CEP128: variants seen among roughly 807,000 people sequenced by gnomAD.
The protein encoded by CEP128 is centrosomal protein 128kDa.
CEP128 carries 132 observed loss-of-function variants against 156.7 expected under a neutral mutation model. The observed-to-expected ratio is 0.84, with a 90% confidence interval of 0.73 to 0.97. The LOEUF is 0.97. Among genes scored for constraint, CEP128 ranks in the 50% least tolerant of loss-of-function variants. The probability of loss-of-function intolerance (pLI) is 0.00; values close to 1 mark genes in which losing one functional copy is unlikely to be tolerated. For missense variants in CEP128, 1,252 were observed against 1,281.9 expected (o/e 0.98, Z 0.36); for synonymous variants, 469 against 448.9 (o/e 1.04, Z -0.57).
At chr14:80,933,936 G>A (rs1381658322) in intron 2 of CEP128, among the ~76,000 whole-genome samples, 1 of 152,154 alleles carries the variant, frequency 6.6e-6, no homozygotes, top group Non-Finnish European at 1.5e-5. Flanking sequence ...TGGGAAATAA[G>A]CCTTAGATTG....
chr14:80,684,298 C>T (rs778195741), intron 19 of CEP128, among the ~76,000 whole-genome samples: 5 of 152,096 alleles, frequency 3.3e-5, no homozygotes, highest in Non-Finnish European at 7.4e-5. Flanking sequence ...AGAAGATCTT[C>T]AGAGAGTATT....
Position 80,601,549 on chromosome 14 carries a change from G to A in CEP128, c.2807-21126C>T, listed in dbSNP as rs190549765. 3.6e-3 allele frequency among the ~76,000 whole-genome samples: 550 copies of A among 152,234 alleles called. 7 individuals are homozygous for A. The highest frequency in any genetic ancestry group is 3.1e-3 in the Non-Finnish European group (214 of 68,010). Reference sequence around the variant, plus strand: ...ACAGGTTGGACAAGATTGTCATAGAGTATATTTACACAAACCTAGATGGTA... The same window carrying A: ...ACAGGTTGGACAAGATTGTCATAGAATATATTTACACAAACCTAGATGGTA... On this transcript the variant is annotated intron_variant, in intron 19 of 24. Transcript: ENST00000555265.
intron 19 of CEP128, among the ~76,000 whole-genome samples, chr14:80,590,371 C>A (rs1269710829): frequency 6.6e-5 from 10 of 152,062 alleles, no homozygotes; most frequent in Admixed American, 6.6e-4. Flanking sequence ...GAAACAATAT[C>A]TTACTTACAG....
In CEP128 at chr14:80,604,904, T is replaced by C. The variant is rs180902721; in HGVS notation, c.2807-24481A>G. ...ACTCTAGACAGATCTGAAATTCAGA[T>C]TAAGTTGACAATTAGGACAAAAAAG... On this transcript the variant is annotated intron_variant, in intron 19 of 24. Coordinates refer to ENST00000555265, the MANE Select transcript of CEP128 (RefSeq NM_152446.5). Among the ~76,000 whole-genome samples the C allele has an allele frequency of 1.1e-3, 171 of 152,180 alleles. 1 individual carries two copies. The highest frequency in any genetic ancestry group is 3.4e-3 in the Middle Eastern group (1 of 294).
chr14:80,818,098 C>T (rs55782504), intron 13 of CEP128, among the ~76,000 whole-genome samples: 3,725 of 152,260 alleles, frequency 0.024, 72 homozygotes, highest in Middle Eastern at 0.078. Flanking sequence ...CAGCCCACTG[C>T]GGCCTCAACC....
chr14:80,806,464 C>T (rs148213109), intron 13 of CEP128, among the ~76,000 whole-genome samples: 4 of 152,212 alleles, frequency 2.6e-5, no homozygotes, highest in Admixed American at 6.5e-5. Context: ...CAGTAATGCA[C>T]GAGGGAAATT....
chr14:80,787,622 C>G (rs944181225), intron 14 of CEP128, among the ~76,000 whole-genome samples: 1 of 152,026 alleles, frequency 6.6e-6, no homozygotes, highest in Non-Finnish European at 1.5e-5. Context: ...AACACAAGAA[C>G]TGATAGAATC....
intron 23 of CEP128, among the ~76,000 whole-genome samples, chr14:80,508,174 C>G (rs753585716): frequency 3.3e-5 from 5 of 152,128 alleles, no homozygotes; most frequent in Admixed American, 1.3e-4. Context: ...CCTTGGCCCC[C>G]CAAAGTGCTG....
chr14:80,800,783 G>A (rs142392672), intron 13 of CEP128, among the ~76,000 whole-genome samples: 1 of 152,176 alleles, frequency 6.6e-6, no homozygotes, highest in South Asian at 2.1e-4. Flanking sequence ...AGGCACTAAG[G>A]AAGTACTTCA....
At chr14:80,549,270 G>A (rs151126516) in intron 21 of CEP128, among the ~76,000 whole-genome samples, 1,578 of 152,292 alleles carry the variant, frequency 0.01, 16 homozygotes, top group Middle Eastern at 0.058. Context: ...AACGGGCTAG[G>A]ACAGGGTTTG....
intron 19 of CEP128, 35 bp from the exon 20 acceptor site, chr14:80,580,458 A>T (rs1427980271): frequency 7.1e-7 from 1 of 1,407,544 alleles, no homozygotes; most frequent in East Asian, 2.3e-5. Flanking sequence ...ATCAAAATAC[A>T]ATGTAAAAAC....
chr14:80,615,317 C>T (rs1176785791), intron 19 of CEP128, among the ~76,000 whole-genome samples: 1 of 152,190 alleles, frequency 6.6e-6, no homozygotes, highest in Admixed American at 6.5e-5. Flanking sequence ...TAAGGGTCCA[C>T]TATGTGATAT....
intron 19 of CEP128, among the ~76,000 whole-genome samples, chr14:80,645,236 A>C (rs1220680367): frequency 6.6e-6 from 1 of 152,164 alleles, no homozygotes; most frequent in African/African-American, 2.4e-5. Flanking sequence ...AAATGGTTTT[A>C]CTTTTTAAAA....
At position 80,795,544 on chromosome 14, in the gene CEP128, C is replaced by T. The variant is rs79917273; in HGVS notation, c.1210-2434G>A. Among the ~76,000 whole-genome samples the T allele has an allele frequency of 3.0e-3, 464 of 152,266 alleles. 2 individuals are homozygous for T. Among genetic ancestry groups the T allele is most frequent in the Middle Eastern group, 0.01 (3 of 294 alleles). On this transcript the variant is annotated intron_variant, in intron 13 of 24. Transcript: ENST00000555265. ...AGGTGAACTTAAAAAGTTCCTAATTCCTACATCAGGTTGAGTCCTGTAAGA... is the reference window on the plus strand; with the variant it reads ...AGGTGAACTTAAAAAGTTCCTAATTTCTACATCAGGTTGAGTCCTGTAAGA...
intron 9 of CEP128, among the ~76,000 whole-genome samples, chr14:80,860,059 G>GA (rs971743976): frequency 4.0e-4 from 61 of 151,946 alleles, no homozygotes; most frequent in Non-Finnish European, 6.0e-4. Flanking sequence ...CCATAAACAG[G>GA]AAAAAAATGC....
At chr14:80,509,189 T>C (rs1361831501) in intron 23 of CEP128, among the ~76,000 whole-genome samples, 1 of 152,184 alleles carries the variant, frequency 6.6e-6, no homozygotes, top group African/African-American at 2.4e-5. Context: ...GATCATATGG[T>C]AGTTCTATTT....
chr14:80,865,570 T>C (rs929718204), intron 8 of CEP128, among the ~76,000 whole-genome samples: 13 of 152,188 alleles, frequency 8.5e-5, no homozygotes, highest in Non-Finnish European at 1.6e-4. Context: ...TGCACTTGTG[T>C]AATCCTCTAC....
chr14:80,699,990 T>C (rs1897018736), intron 19 of CEP128, among the ~76,000 whole-genome samples: 1 of 152,072 alleles, frequency 6.6e-6, no homozygotes, highest in Non-Finnish European at 1.5e-5. Flanking sequence ...CAGGGACAGG[T>C]AGGTGCTTCT....
chr14:80,863,446 T>C (rs1357980659), intron 8 of CEP128, among the ~76,000 whole-genome samples: 1 of 152,160 alleles, frequency 6.6e-6, no homozygotes, highest in Admixed American at 6.5e-5. Context: ...AAATGTTTAA[T>C]CAGGACTCTA....
Sources: gnomAD v4.1 joint callset for allele counts (sites outside exome capture counted in the v4.1 genomes callset) on GRCh38, gnomAD v4.1.1 for gene constraint, MANE v1.5 for transcripts, NCBI Gene and HGNC (gene_info 2026-07-23, HGNC 2026-07-21) for gene names.